TRDN: variants seen among roughly 807,000 people sequenced by gnomAD.
The protein encoded by TRDN is triadin, also known as triadin in skeletal muscle.
Under a neutral mutation model 149.7 loss-of-function variants are expected in TRDN, and 161 were observed. The ratio of observed to expected loss-of-function variants is 1.08; its 90% CI spans 0.95 to 1.23. The LOEUF is 1.23. TRDN is among the 50% of genes most tolerant of loss of function. TRDN has a pLI of 0.00. For synonymous variants in TRDN, 294 were observed against 250.5 expected (o/e 1.17, Z -1.64); for missense variants, 896 against 823.5 (o/e 1.09, Z -1.08).
intron 24 of TRDN, among the ~76,000 whole-genome samples, chr6:123,310,921 G>A (rs1309115895): frequency 2.0e-5 from 3 of 151,930 alleles, no homozygotes; most frequent in African/African-American, 7.2e-5. Context: ...CTGTGCAAAT[G>A]CAATTGGGTT....
At chr6:123,468,437 G>T (rs1776960351) in intron 9 of TRDN, among the ~76,000 whole-genome samples, 1 of 152,118 alleles carries the variant, frequency 6.6e-6, no homozygotes, top group South Asian at 2.1e-4. Context: ...TTGGCAAATT[G>T]CTAATACTTT....
intron 9 of TRDN, among the ~76,000 whole-genome samples, chr6:123,469,296 C>A (rs1193545760): frequency 6.6e-6 from 1 of 152,118 alleles, no homozygotes; most frequent in East Asian, 1.9e-4. Flanking sequence ...ACACCTTGAC[C>A]TTCATGCTTC....
intron 1 of TRDN, among the ~76,000 whole-genome samples, chr6:123,610,875 G>A (rs1784773546): frequency 6.6e-6 from 1 of 152,140 alleles, no homozygotes; most frequent in Non-Finnish European, 1.5e-5. Context: ...ATCTAGGAGA[G>A]CAGATCAGAT....
intron 1 of TRDN, among the ~76,000 whole-genome samples, chr6:123,593,841 C>T (rs1210910365): frequency 6.6e-6 from 1 of 152,112 alleles, no homozygotes; most frequent in Non-Finnish European, 1.5e-5. Flanking sequence ...TATATGGTCT[C>T]CTCACCATAC....
chr6:123,588,942 A>G (rs1783647591), intron 1 of TRDN, among the ~76,000 whole-genome samples: 1 of 152,200 alleles, frequency 6.6e-6, no homozygotes, highest in African/African-American at 2.4e-5. Context: ...TTACCACTAC[A>G]TGCCCAAGTA....
rs142845695 is a variant in TRDN, at chr6:123,456,404, A to G, written c.931+8502T>C. Among the ~76,000 whole-genome samples, 800 of 152,302 alleles carry G rather than the reference A, an allele frequency of 5.3e-3. 6 individuals carry two copies. The highest frequency in any genetic ancestry group is 0.018 in the African/African-American group (737 of 41,568). ...CACATTATGTCTTCTACTTCTTAAT[A>G]TAAGTTTTATTCTAGTAAATTACAA... On this transcript the variant is annotated intron_variant, in intron 10 of 40. Transcript: ENST00000334268.
At chr6:123,473,064 C>T (rs1777268883) in intron 9 of TRDN, among the ~76,000 whole-genome samples, 1 of 152,222 alleles carries the variant, frequency 6.6e-6, no homozygotes, top group Non-Finnish European at 1.5e-5. Flanking sequence ...AACGCAGTTC[C>T]TCACCAGCAA....
At chr6:123,628,038 G>A (rs140527026) in intron 1 of TRDN, among the ~76,000 whole-genome samples, 79 of 152,260 alleles carry the variant, frequency 5.2e-4, no homozygotes, top group African/African-American at 1.8e-3. Flanking sequence ...CTCCACATCA[G>A]CAATAAGTTT....
At chr6:123,585,161 A>G (rs1398396598) in intron 1 of TRDN, among the ~76,000 whole-genome samples, 5 of 149,246 alleles carry the variant, frequency 3.4e-5, no homozygotes, top group South Asian at 2.2e-4. Context: ...ATACAAGAGG[A>G]GCACGCAAAG....
intron 1 of TRDN, among the ~76,000 whole-genome samples, chr6:123,618,612 T>C (rs1785224473): frequency 6.6e-6 from 1 of 152,218 alleles, no homozygotes; most frequent in African/African-American, 2.4e-5. Flanking sequence ...ACAACCAATA[T>C]TCTCACTACT....
chr6:123,584,146 G>C (rs1012450155), intron 1 of TRDN, among the ~76,000 whole-genome samples: 6 of 152,150 alleles, frequency 3.9e-5, no homozygotes, highest in African/African-American at 1.2e-4. Flanking sequence ...TGGAGGTCGG[G>C]TGTGGTATCA....
intron 21 of TRDN, chr6:123,351,663 T>C (rs1478352615): frequency 1.1e-6 from 1 of 947,648 alleles, no homozygotes; most frequent in Non-Finnish European, 1.3e-6. Flanking sequence ...ATTTTCTTGA[T>C]ATATTTATGT....
intron 4 of TRDN, among the ~76,000 whole-genome samples, chr6:123,537,705 A>T (rs1008891616): frequency 6.6e-6 from 1 of 152,356 alleles, no homozygotes; most frequent in Admixed American, 6.5e-5. Context: ...ACTGGGAAGA[A>T]AGGCCACAGG....
At chr6:123,242,268 G>A (rs903321893) in intron 38 of TRDN, among the ~76,000 whole-genome samples, 4 of 152,094 alleles carry the variant, frequency 2.6e-5, no homozygotes, top group African/African-American at 9.7e-5. Flanking sequence ...TAGAGAAAAA[G>A]TTTTCAAAAA....
intron 1 of TRDN, among the ~76,000 whole-genome samples, chr6:123,624,177 T>C (rs1409958317): frequency 6.6e-6 from 1 of 152,134 alleles, no homozygotes; most frequent in African/African-American, 2.4e-5. Context: ...GGGGTCAGAC[T>C]TTTCATTCCT....
chr6:123,268,261 AT>A (rs1777082614), intron 31 of TRDN, among the ~76,000 whole-genome samples: 1 of 151,986 alleles, frequency 6.6e-6, no homozygotes, highest in Non-Finnish European at 1.5e-5. Flanking sequence ...CACATTTTGT[AT>A]TTTTATTGAC....
intron 14 of TRDN, among the ~76,000 whole-genome samples, chr6:123,382,961 T>C (rs1185945679): frequency 6.6e-6 from 1 of 152,120 alleles, no homozygotes; most frequent in Non-Finnish European, 1.5e-5. Flanking sequence ...CCTTTTACTG[T>C]TTCTGTAAGA....
At chr6:123,282,778 A>T (rs1404347544) in intron 24 of TRDN, among the ~76,000 whole-genome samples, 1 of 151,886 alleles carries the variant, frequency 6.6e-6, no homozygotes, top group Admixed American at 6.6e-5. Flanking sequence ...GATTTATTAT[A>T]TTTTAACTTT....
intron 38 of TRDN, among the ~76,000 whole-genome samples, chr6:123,228,925 T>A (rs1775490688): frequency 6.6e-6 from 1 of 151,808 alleles, no homozygotes; most frequent in African/African-American, 2.4e-5. Context: ...CTACTCTCCC[T>A]CAGTGGCGAT....
Sources: allele counts gnomAD v4.1 joint callset (sites outside exome capture counted in the v4.1 genomes callset), GRCh38; gene constraint gnomAD v4.1.1; transcripts MANE v1.5; gene names NCBI Gene and HGNC (gene_info 2026-07-23, HGNC 2026-07-21).